CLEC4A: variants seen among roughly 807,000 people sequenced by gnomAD.
The protein encoded by CLEC4A is C-type lectin domain family 4 member A, also known as C-type (calcium dependent, carbohydrate-recognition domain) lectin, superfamily member 6.
In CLEC4A, 27 loss-of-function variants were observed where a neutral mutation model predicts 32.7. The ratio of observed to expected loss-of-function variants is 0.83; its 90% CI spans 0.61 to 1.14. CLEC4A has a LOEUF of 1.14. Ranked by LOEUF, CLEC4A falls within the 50% of genes most tolerant of loss-of-function variation. The pLI is 0.00. For missense variants in CLEC4A, 253 were observed against 274.6 expected, an observed-to-expected ratio of 0.92 and a Z score of 0.55; for synonymous variants, 89 against 93.7, an observed-to-expected ratio of 0.95 and a Z score of 0.29.
chr12:8,128,698 A>C (rs771964285), intron 2 of CLEC4A, among the ~76,000 whole-genome samples: 16 of 152,160 alleles, frequency 1.1e-4, no homozygotes, highest in Non-Finnish European at 2.1e-4. Context: ...TGCCCGGCCA[A>C]AAGTTCAGTT....
the CLEC4A span, among the ~76,000 whole-genome samples, chr12:8,117,103 T>C: frequency 6.6e-6 from 1 of 152,216 alleles, no homozygotes; most frequent in Non-Finnish European, 1.5e-5. Context: ...TTCAGTTTTT[T>C]CCTTGGGTCA....
upstream of CLEC4A, among the ~76,000 whole-genome samples, chr12:8,122,570 A>G (rs187312624): frequency 1.7e-4 from 26 of 152,242 alleles, no homozygotes; most frequent in East Asian, 2.3e-3. Context: ...TCAGAGCCCA[A>G]CTAGGAAGAG....
At chr12:8,117,231 TC>T in the CLEC4A span, among the ~76,000 whole-genome samples, 1 of 6,096 alleles carries the variant, frequency 1.6e-4, no homozygotes, top group Non-Finnish European at 9.7e-4. Flanking sequence ...CTTGGGCTCT[TC>T]TTTTTTTTTT....
chr12:8,118,691 C>T (rs1351276706), upstream of CLEC4A, among the ~76,000 whole-genome samples: 1 of 152,170 alleles, frequency 6.6e-6, no homozygotes, highest in Non-Finnish European at 1.5e-5. Context: ...CAGTCACCTC[C>T]TACCAGGCCC....
At chr12:8,106,470 T>A in the CLEC4A span, among the ~76,000 whole-genome samples, 1 of 152,224 alleles carries the variant, frequency 6.6e-6, no homozygotes, top group Non-Finnish European at 1.5e-5. Flanking sequence ...ATCTATAAAT[T>A]GCTTTGGGCA....
rs144392328 is a variant in CLEC4A, at chr12:8,138,593, A to G, written c.*306A>G. ...AAGAATTATTTACCAATAAAATTAT[A>G]TGATGTGGTGTCTCCTCCTGTCTGG... On this transcript the variant is annotated 3_prime_UTR_variant, in exon 6 of 6. Transcript: ENST00000229332. The G allele has an allele frequency of 5.4e-3, 1,018 of 188,606 alleles. 9 individuals carry two copies. Among genetic ancestry groups the G allele is most frequent in the African/African-American group, 0.023 (985 of 42,112 alleles). 11.7% of individuals were successfully genotyped at this position (188,606 alleles called of 1,614,324 possible). A position where few individuals can be genotyped will look rare whatever the true frequency, so the allele number is the denominator to read the frequency against.
At chr12:8,117,318 A>T in the CLEC4A span, among the ~76,000 whole-genome samples, 1 of 151,810 alleles carries the variant, frequency 6.6e-6, no homozygotes, top group African/African-American at 2.4e-5. Flanking sequence ...GGCTCACTGC[A>T]ACCTCTGCCT....
the CLEC4A span, among the ~76,000 whole-genome samples, chr12:8,110,552 T>G: frequency 6.6e-6 from 1 of 152,180 alleles, no homozygotes; most frequent in Non-Finnish European, 1.5e-5. Flanking sequence ...CTACAGAACC[T>G]TTCCTCATAA....
intron 3 of CLEC4A, chr12:8,134,931 T>G (rs1280676674): frequency 7.5e-6 from 10 of 1,326,482 alleles, no homozygotes; most frequent in Non-Finnish European, 9.7e-6. Context: ...ACTTTCTAGT[T>G]TTTCATTTGT....
upstream of CLEC4A, chr12:8,120,781 A>C (rs192003456): frequency 1.7e-3 from 254 of 152,320 alleles, 1 homozygote; most frequent in African/African-American, 5.8e-3. Flanking sequence ...AATAATTTAA[A>C]GGGATAAGGG....
the CLEC4A span, among the ~76,000 whole-genome samples, chr12:8,117,602 A>G: frequency 2.0e-5 from 3 of 151,972 alleles, no homozygotes; most frequent in Admixed American, 6.5e-5. Flanking sequence ...ATGTGTTTCA[A>G]TTTGCCTATT....
chr12:8,118,555 C>G, the CLEC4A span, among the ~76,000 whole-genome samples: 1 of 152,166 alleles, frequency 6.6e-6, no homozygotes, highest in African/African-American at 2.4e-5. Flanking sequence ...GAGCAAGGCA[C>G]TTCACACGAC....
chr12:8,112,444 A>G, the CLEC4A span, among the ~76,000 whole-genome samples: 4 of 152,320 alleles, frequency 2.6e-5, no homozygotes, highest in South Asian at 8.3e-4. Context: ...TATACTTAAT[A>G]TAAATTCTGA....
chr12:8,138,191 A>T lies in CLEC4A; in HGVS notation c.618A>T (p.Leu206=), dbSNP rs779048739. 108 of 1,614,056 alleles carry T rather than the reference A, an allele frequency of 6.7e-5. No homozygotes were observed. Among genetic ancestry groups the T allele is most frequent in the Admixed American group, 3.3e-4 (20 of 60,008 alleles). ...ATCCCAATGAGCGCTGCGTTGTGCT[A>T]AATTTTCGTAAATCACCCAAAAGAT... is the stretch of plus-strand genomic sequence containing the variant. ...PSDPNERCVV[L]NFRKSPKRWG... The change falls in exon 6 of 6, where the codon CTA becomes CTT. Residue 206 remains leucine, a synonymous_variant. Transcript: ENST00000229332.
In CLEC4A at chr12:8,136,884, C is replaced by T. The variant is rs1313310465; in HGVS notation, c.547C>T (p.Pro183Ser). Residue 183 changes from proline (P) to serine (S), a missense_variant, in exon 5 of 6, where the codon CCA becomes TCA. Transcript: ENST00000229332. ...QRHWQWVDQT[P>S]YNESSTFWHP... ...ACATTGGCAATGGGTTGATCAGACA[C>T]CATACAATGAAAGTTCCACGTGAGT... 1 of 1,611,550 alleles carries T rather than the reference C, an allele frequency of 6.2e-7. No individual in the cohort carries two copies. Among genetic ancestry groups the T allele is most frequent in the South Asian group, 1.1e-5 (1 of 91,060 alleles).
At chr12:8,120,699 G>C (rs1002838662), upstream of CLEC4A, among the ~76,000 whole-genome samples, 4 of 152,146 alleles carry the variant, frequency 2.6e-5, no homozygotes, top group African/African-American at 9.7e-5. Context: ...TGCCTTAGCA[G>C]ATCCTCTTTT....
At position 8,123,815 on chromosome 12, in the gene CLEC4A, A is replaced by G. The variant is rs1276491133; in HGVS notation, c.-64A>G. 2 of 1,167,146 alleles carry G rather than the reference A, an allele frequency of 1.7e-6. No homozygotes were observed. The highest frequency in any genetic ancestry group is 2.6e-6 in the Non-Finnish European group (2 of 776,662). 72.3% of individuals were successfully genotyped at this position (1,167,146 alleles called of 1,614,324 possible). A position where few individuals can be genotyped will look rare whatever the true frequency, so the allele number is the denominator to read the frequency against. On this transcript the variant is annotated 5_prime_UTR_variant, in exon 1 of 6. Coordinates refer to ENST00000229332, the MANE Select transcript of CLEC4A (RefSeq NM_016184.4). ...TTACCACCATGTTTGGTTCCTGTTT[A>G]TAAGATGTTTTAAGAAAGATCTGAA...
chr12:8,136,874 T>C lies in CLEC4A; in HGVS notation c.537T>C (p.Val179=), dbSNP rs145478742. ...DPEGQRHWQW[V]DQTPYNESST... ...AAGGTCAGCGACATTGGCAATGGGT[T>C]GATCAGACACCATACAATGAAAGTT... The change falls in exon 5 of 6, where the codon GTT becomes GTC. Residue 179 remains valine, a synonymous_variant. Transcript: ENST00000229332. 52 of 1,613,100 alleles carry C rather than the reference T, an allele frequency of 3.2e-5. 1 individual carries two copies. In the African/African-American group the frequency reaches 5.7e-4, roughly 18 times the overall value.
chr12:8,128,240 A>G (rs112279773), intron 2 of CLEC4A, among the ~76,000 whole-genome samples: 2 of 152,126 alleles, frequency 1.3e-5, no homozygotes, highest in Non-Finnish European at 2.9e-5. Flanking sequence ...GGGAAAGGCA[A>G]CTGGGGTCAA....
Sources: allele counts gnomAD v4.1 joint callset (sites outside exome capture counted in the v4.1 genomes callset), GRCh38; gene constraint gnomAD v4.1.1; transcripts MANE v1.5; gene names NCBI Gene and HGNC (gene_info 2026-07-23, HGNC 2026-07-21).